The following AWAT1 variants were observed in gnomAD, a reference collection of about 807,000 sequenced individuals.
The protein encoded by AWAT1 is diacyl-glycerol acyltransferase 2.
AWAT1 carries 26 observed loss-of-function variants against 21.6 expected under a neutral mutation model. That is an observed-to-expected ratio of 1.20 (90% CI 0.88 to 1.67). The LOEUF is 1.67. Among genes scored for constraint, AWAT1 ranks in the 40% most tolerant of loss-of-function variants. The pLI is 0.00. For synonymous variants in AWAT1, 102 were observed against 99.3 expected (o/e 1.03, Z -0.16); for missense variants, 264 against 249.4 (o/e 1.06, Z -0.39).
In AWAT1 at chrX:70,238,255, C is replaced by G. The variant is rs747708176; in HGVS notation, c.504C>G (p.Ser168Arg). The change falls in exon 5 of 7, where the codon AGC (serine) becomes AGG (arginine). Residue 168 changes from serine to arginine, a missense_variant. By Grantham distance (110) the Ser-to-Arg change is moderately radical (BLOSUM62 -1). Coordinates refer to ENST00000374521, the MANE Select transcript of AWAT1 (RefSeq NM_001013579.3). ...VSQPAINYLL[S>R]HGTGNLVGIV... Reference sequence around the variant, plus strand: ...AGCCAGCCATCAACTATCTGCTGAGCCATGGCACTGGCAACCTCGTGGGCA... The same window carrying G: ...AGCCAGCCATCAACTATCTGCTGAGGCATGGCACTGGCAACCTCGTGGGCA... The G allele has an allele frequency of 2.5e-6, 3 of 1,210,726 alleles. No individual in the cohort carries two copies. Among genetic ancestry groups the G allele is most frequent in the Non-Finnish European group, 3.4e-6 (3 of 894,658 alleles).
At position 70,240,255 on chromosome X, in the gene AWAT1, G is replaced by A. The variant is rs1203473351; in HGVS notation, c.952G>A (p.Gly318Ser). Residue 318 changes from glycine (G) to serine (S), a missense_variant, in exon 7 of 7, where the codon GGC (glycine) becomes AGC (serine). Gly to Ser is a moderately conservative substitution (Grantham distance 56). Coordinates refer to ENST00000374521, the MANE Select transcript of AWAT1 (RefSeq NM_001013579.3). ...GTTCGACCAGCATAAGACCCACTAT[G>A]GCTGCTCAGAGACCCAAAAGCTGTT... ...KLFDQHKTHY[G>S]CSETQKLFFL 8.3e-7 allele frequency: 1 copy of A among 1,211,350 alleles called. No homozygotes were observed. The highest frequency in any genetic ancestry group is 1.1e-6 in the Non-Finnish European group (1 of 895,221).
chrX:70,238,334 C>A lies in AWAT1; in HGVS notation c.583C>A (p.Leu195Ile). ...ALQSVPNTTTLILQKRKGFVR... is the reference protein window; with the variant it reads ...ALQSVPNTTTIILQKRKGFVR... Reference sequence around the variant, plus strand: ...GCAAAGTGTGCCCAACACCACCACCCTCATCCTCCAGAAGCGCAAGGGGTT... The same window carrying A: ...GCAAAGTGTGCCCAACACCACCACCATCATCCTCCAGAAGCGCAAGGGGTT... Residue 195 changes from leucine (L) to isoleucine (I), a missense_variant, in exon 5 of 7, where the codon CTC becomes ATC. Coordinates refer to ENST00000374521, the MANE Select transcript of AWAT1 (RefSeq NM_001013579.3). 1 of 1,209,022 alleles carries A rather than the reference C, an allele frequency of 8.3e-7. No individual in the cohort carries two copies. The highest frequency in any genetic ancestry group is 1.1e-6 in the Non-Finnish European group (1 of 893,396).
intron 1 of AWAT1, among the ~76,000 whole-genome samples, chrX:70,234,992 G>A (rs1410433791): frequency 3.6e-5 from 4 of 110,115 alleles, no homozygotes; most frequent in African/African-American, 9.9e-5. Context: ...GGGAGGGGGC[G>A]GGGGGTGGAA....
At chrX:70,237,691 G>T (rs954958827) in intron 4 of AWAT1, among the ~76,000 whole-genome samples, 6 of 107,619 alleles carry the variant, frequency 5.6e-5, no homozygotes, top group African/African-American at 2.0e-4. Context: ...AATTAGCTGG[G>T]CATGGTGGTG....
chrX:70,239,943 C>T lies in AWAT1; in HGVS notation c.832+9C>T. ...GCCTATTGTCACTGTGGGTGAGTGC[C>T]ACTCTCAGCCCCAGTGCCACCTCAG... On this transcript the variant is annotated intron_variant, in intron 6 of 6. Coordinates refer to ENST00000374521, the MANE Select transcript of AWAT1 (RefSeq NM_001013579.3). 8.3e-7 allele frequency: 1 copy of T among 1,202,153 alleles called. No homozygotes were observed. The highest frequency in any genetic ancestry group is 1.1e-6 in the Non-Finnish European group (1 of 888,149).
In AWAT1 at chrX:70,234,684, C is replaced by T; in HGVS notation, c.-12C>T. The T allele has an allele frequency of 8.3e-7, 1 of 1,207,290 alleles. No homozygotes were observed. Among genetic ancestry groups the T allele is most frequent in the Non-Finnish European group, 1.1e-6 (1 of 891,871 alleles). ...TTCTGAGATCTTTGCCTCCCTCAGG[C>T]TCCCGAGAATCATGGCTCATTCCAA... On this transcript the variant is annotated 5_prime_UTR_variant, in exon 1 of 7. Transcript: ENST00000374521.
chrX:70,239,213 C>T (rs959187200), intron 5 of AWAT1, among the ~76,000 whole-genome samples: 2 of 112,452 alleles, frequency 1.8e-5, no homozygotes, highest in Middle Eastern at 4.2e-3. Context: ...CTGTGCCCTC[C>T]ACGGCCTTTG....
intron 1 of AWAT1, among the ~76,000 whole-genome samples, 174 bp from the exon 2 acceptor site, chrX:70,235,542 G>T (rs2085510544): frequency 9.0e-6 from 1 of 110,807 alleles, no homozygotes; most frequent in African/African-American, 3.3e-5. Context: ...CTTCTGTATG[G>T]TAAATGATAG....
At chrX:70,238,634 A>G (rs2085525497) in intron 5 of AWAT1, among the ~76,000 whole-genome samples, 1 of 112,407 alleles carries the variant, frequency 8.9e-6, no homozygotes, top group Non-Finnish European at 1.9e-5. Context: ...CATTATCTCT[A>G]TCAATGCTGG....
chrX:70,234,693 A>T lies in AWAT1; in HGVS notation c.-3A>T. ...CTTTGCCTCCCTCAGGCTCCCGAGA[A>T]TCATGGCTCATTCCAAGCAGCCTAG... On this transcript the variant is annotated 5_prime_UTR_variant, in exon 1 of 7. Coordinates refer to ENST00000374521, the MANE Select transcript of AWAT1 (RefSeq NM_001013579.3). 3 of 1,209,476 alleles carry T rather than the reference A, an allele frequency of 2.5e-6. No homozygotes were observed. The highest frequency in any genetic ancestry group is 3.4e-6 in the Non-Finnish European group (3 of 893,776).
chrX:70,235,819 G>A lies in AWAT1; in HGVS notation c.180G>A (p.Glu60=), dbSNP rs1258229648. Residue 60 remains glutamate (E), a synonymous_variant, in exon 2 of 7, where the codon GAG becomes GAA. Transcript: ENST00000374521. ...AWLFLDWKTP[E]RGGRRSAWVR... ...TGTTCCTGGACTGGAAGACCCCAGAGCGAGGTAAGACTCACAGACCTAGAA... is the reference window on the plus strand; with the variant it reads ...TGTTCCTGGACTGGAAGACCCCAGAACGAGGTAAGACTCACAGACCTAGAA... 1.7e-6 allele frequency: 2 copies of A among 1,196,639 alleles called. No homozygotes were observed. Among genetic ancestry groups the A allele is most frequent in the South Asian group, 3.5e-5 (2 of 56,603 alleles).
Position 70,234,771 on chromosome X carries a change from TG to T in AWAT1, c.76+1del. 1 of 1,204,784 alleles carries T rather than the reference TG, an allele frequency of 8.3e-7. No homozygotes were observed. The highest frequency in any genetic ancestry group is 1.1e-6 in the Non-Finnish European group (1 of 889,914). ...GTGGCCTTTGAGCTACCTTGCCATC[TG>T]TGAGTATTGACCCAAGAGTGCATAG... On this transcript the variant is annotated splice_donor_variant, in intron 1 of 6. Coordinates refer to ENST00000374521, the MANE Select transcript of AWAT1 (RefSeq NM_001013579.3). LOFTEE classifies it high-confidence loss of function.
rs965639074 is a variant in AWAT1 at position 70,236,110 on chromosome X, A to T, written c.226A>T (p.Thr76Ser). 1.7e-6 allele frequency: 2 copies of T among 1,209,147 alleles called. No homozygotes were observed. The highest frequency in any genetic ancestry group is 3.5e-5 in the African/African-American group (2 of 57,063). Residue 76 changes from threonine to serine, a missense_variant, in exon 3 of 7, where the codon ACC becomes TCC. Transcript: ENST00000374521. ...SAWVRNWCVW[T>S]HIRDYFPITI... Reference sequence around the variant, plus strand: ...CTGGGTAAGGAACTGGTGTGTCTGGACCCACATCAGGGACTATTTCCCCAT... The same window carrying T: ...CTGGGTAAGGAACTGGTGTGTCTGGTCCCACATCAGGGACTATTTCCCCAT...
At position 70,240,455 on chromosome X, in the gene AWAT1, C is replaced by G. The variant is rs1292205525; in HGVS notation, c.*165C>G. 1 of 534,986 alleles carries G rather than the reference C, an allele frequency of 1.9e-6. No homozygotes were observed. Among genetic ancestry groups the G allele is most frequent in the South Asian group, 3.7e-5 (1 of 27,373 alleles). 44.1% of individuals were successfully genotyped at this position (534,986 alleles called of 1,213,427 possible). A position where few individuals can be genotyped will look rare whatever the true frequency, so the allele number is the denominator to read the frequency against. The stretch of plus-strand genomic sequence containing the variant: ...TTGCCACAGGGTCCTTACAGGAATT[C>G]TTTCTGAAGAGCTGCACACAGTCAT... On this transcript the variant is annotated 3_prime_UTR_variant, in exon 7 of 7. Coordinates refer to ENST00000374521, the MANE Select transcript of AWAT1 (RefSeq NM_001013579.3).
At chrX:70,236,216 C>G in intron 3 of AWAT1, 77 bp downstream of exon 3, 1 of 836,399 alleles carries the variant, frequency 1.2e-6, no homozygotes, top group South Asian at 2.2e-5. Flanking sequence ...CTAGAGTTGT[C>G]CATAAGGAAG....
At chrX:70,237,578 T>A in intron 4 of AWAT1, among the ~76,000 whole-genome samples, 1 of 109,511 alleles carries the variant, frequency 9.1e-6, no homozygotes, top group South Asian at 4.0e-4. Context: ...ACGCCTGTAA[T>A]CCCAGCACTT....
At position 70,236,086 on chromosome X, in the gene AWAT1, T is replaced by C. The variant is rs1308564847; in HGVS notation, c.202T>C (p.Trp68Arg). Residue 68 changes from tryptophan (W) to arginine (R), a missense_variant, in exon 3 of 7, where the codon TGG becomes CGG. Physicochemically the swap from Trp to Arg is moderately radical, Grantham distance 101. Transcript: ENST00000374521. ...TPERGGRRSA[W>R]VRNWCVWTHI... ...TGCCTCAGGTGGCAGGCGTTCGGCCTGGGTAAGGAACTGGTGTGTCTGGAC... is the reference window on the plus strand; with the variant it reads ...TGCCTCAGGTGGCAGGCGTTCGGCCCGGGTAAGGAACTGGTGTGTCTGGAC... 1.7e-6 allele frequency: 2 copies of C among 1,209,279 alleles called. No homozygotes were observed. Among genetic ancestry groups the C allele is most frequent in the Admixed American group, 4.4e-5 (2 of 45,737 alleles).
At chrX:70,237,928 A>T (rs1300836196) in intron 4 of AWAT1, among the ~76,000 whole-genome samples, 1 of 109,207 alleles carries the variant, frequency 9.2e-6, no homozygotes, top group Non-Finnish European at 1.9e-5. Flanking sequence ...TGAAAAAAAA[A>T]AAAAAGGTAC....
chrX:70,238,188 AT>A, intron 4 of AWAT1, 23 bp from the exon 5 acceptor site: 1 of 1,186,129 alleles, frequency 8.4e-7, no homozygotes, highest in Non-Finnish European at 1.1e-6. Context: ...TCTCCTGATC[AT>A]TTTGCTCCTT....
Sources: allele counts gnomAD v4.1 joint callset (sites outside exome capture counted in the v4.1 genomes callset), GRCh38; gene constraint gnomAD v4.1.1; transcripts MANE v1.5; gene names NCBI Gene and HGNC (gene_info 2026-07-23, HGNC 2026-07-21).